Variants in IQSEC2 observed in about 807,000 individuals in gnomAD.
IQSEC2 encodes the protein IQ motif and Sec7 domain ArfGEF 2.
A neutral mutation model predicts 74.6 loss-of-function variants in IQSEC2; 6 were observed. That is an observed-to-expected ratio of 0.08 (90% CI 0.04 to 0.16). The LOEUF (loss-of-function observed/expected upper bound fraction) is 0.16. Ranked by LOEUF, IQSEC2 falls within the 10% of genes least tolerant of loss-of-function variation. The pLI is 1.00. For synonymous variants in IQSEC2, 494 were observed against 544.5 expected, an observed-to-expected ratio of 0.91 and a Z score of 1.29; for missense variants, 734 against 1,306.2, an observed-to-expected ratio of 0.56 and a Z score of 6.75.
chrX:53,246,736 T>C (rs914187657), intron 8 of IQSEC2, among the ~76,000 whole-genome samples: 2 of 112,240 alleles, frequency 1.8e-5, no homozygotes. Flanking sequence ...TCATGTTCAC[T>C]GCTTGAACCC....
chrX:53,261,499 C>G (rs1240950241), intron 2 of IQSEC2, among the ~76,000 whole-genome samples: 2 of 111,007 alleles, frequency 1.8e-5, no homozygotes, highest in African/African-American at 6.6e-5. Flanking sequence ...TGTGCACACA[C>G]ACACACACAC....
intron 2 of IQSEC2, among the ~76,000 whole-genome samples, chrX:53,264,898 G>C (rs191320848): frequency 2.0e-5 from 2 of 102,278 alleles, no homozygotes; most frequent in East Asian, 3.1e-4. Flanking sequence ...TGGAGAGCTC[G>C]CAGAGGACAC....
chrX:53,306,835 A>G (rs782132723), intron 1 of IQSEC2, among the ~76,000 whole-genome samples: 13 of 111,229 alleles, frequency 1.2e-4, no homozygotes, highest in Admixed American at 6.7e-4. Context: ...ATCCAGGAAC[A>G]CCACTTAGGG....
intron 2 of IQSEC2, among the ~76,000 whole-genome samples, chrX:53,256,682 G>A (rs2074476825): frequency 1.8e-5 from 2 of 112,637 alleles, no homozygotes; most frequent in Non-Finnish European, 3.8e-5. Context: ...GCCAGGCCAA[G>A]CCAGTTCCCA....
At chrX:53,279,012 C>T (rs376281705) in intron 2 of IQSEC2, 1 of 111,266 alleles carries the variant, frequency 9.0e-6, no homozygotes, top group Non-Finnish European at 1.9e-5. Flanking sequence ...CCCGTCTCTA[C>T]TAAAAGAAAA....
chrX:53,243,710 A>G (rs1264973800), intron 8 of IQSEC2, among the ~76,000 whole-genome samples: 6 of 112,299 alleles, frequency 5.3e-5, no homozygotes, highest in African/African-American at 1.9e-4. Context: ...ACTGTAATTA[A>G]AACAATCAGA....
At chrX:53,278,002 T>A (rs2074866171) in intron 2 of IQSEC2, among the ~76,000 whole-genome samples, 2 of 81,045 alleles carry the variant, frequency 2.5e-5, no homozygotes, top group African/African-American at 9.6e-5. Context: ...CTTTTCTTTT[T>A]CTTTTTTTTT....
intron 2 of IQSEC2, chrX:53,266,783 A>C: frequency 2.0e-6 from 2 of 1,016,792 alleles, no homozygotes. Context: ...CAGAGGAGAC[A>C]GCAGTGGGGA....
At chrX:53,227,143 C>CAATTGTTGTGTA (rs1556857816), downstream of IQSEC2, 99 of 112,395 alleles carry the variant, frequency 8.8e-4, no homozygotes, top group Non-Finnish European at 1.7e-3. Flanking sequence ...AACCTCAGCC[C>CAATTGTTGTGTA]CTCTCCACCA....
chrX:53,316,073 T>C (rs2075367355), intron 1 of IQSEC2, among the ~76,000 whole-genome samples: 1 of 112,099 alleles, frequency 8.9e-6, no homozygotes, highest in Non-Finnish European at 1.9e-5. Context: ...GAGTGTTGCC[T>C]CTATGGCATG....
intron 2 of IQSEC2, among the ~76,000 whole-genome samples, chrX:53,287,812 C>T (rs1009084147): frequency 8.0e-5 from 9 of 112,241 alleles, no homozygotes; most frequent in African/African-American, 1.3e-4. Flanking sequence ...GGCCAGGCGG[C>T]GGCAGAACAC....
At chrX:53,261,093 G>A (rs1346683563) in intron 2 of IQSEC2, among the ~76,000 whole-genome samples, 2 of 111,217 alleles carry the variant, frequency 1.8e-5, no homozygotes, top group African/African-American at 6.5e-5. Context: ...GCTTGACGGC[G>A]TTGCTTCTGA....
chrX:53,288,123 A>G (rs1462506240), intron 2 of IQSEC2, among the ~76,000 whole-genome samples: 7 of 111,557 alleles, frequency 6.3e-5, no homozygotes, highest in African/African-American at 2.3e-4. Context: ...GGGAGGCATC[A>G]TGGGAGGTGA....
Position 53,235,730 on chromosome X carries a change from T to C in IQSEC2, c.3501+53A>G, listed in dbSNP as rs2074116425. On this transcript the variant is annotated intron_variant, in intron 14 of 14. Transcript: ENST00000642864. ...GGTCCCCTCCTCCTCTGGGTCTCCA[T>C]GGCCGGGGCAGGGCTCATGCAGAGG... The C allele has an allele frequency of 2.0e-5, 23 of 1,138,467 alleles. No individual in the cohort carries two copies. In the South Asian group the frequency reaches 4.2e-4, roughly 21 times the overall value. The allele number at this position is 1,138,467 out of a possible 1,213,427, so 93.8% of individuals were successfully genotyped here. A position where few individuals can be genotyped will look rare whatever the true frequency, so the allele number is the denominator to read the frequency against.
intron 1 of IQSEC2, among the ~76,000 whole-genome samples, chrX:53,302,516 C>T (rs2075220855): frequency 8.9e-6 from 1 of 112,177 alleles, no homozygotes; most frequent in African/African-American, 3.2e-5. Context: ...AGGAGGATCA[C>T]TTGAGCCCAG....
intron 1 of IQSEC2, among the ~76,000 whole-genome samples, chrX:53,297,848 G>T (rs1468347728): frequency 5.8e-4 from 65 of 111,170 alleles, no homozygotes; most frequent in African/African-American, 2.0e-3. Context: ...CTCTCTCTCA[G>T]GCCAGGCGTG....
chrX:53,289,224 G>T (rs2075068403), intron 2 of IQSEC2, among the ~76,000 whole-genome samples: 1 of 109,898 alleles, frequency 9.1e-6, no homozygotes, highest in Non-Finnish European at 1.9e-5. Context: ...GAGACAAACA[G>T]ATTGTCCAGT....
chrX:53,259,413 G>A (rs782108465), intron 2 of IQSEC2, among the ~76,000 whole-genome samples: 11 of 109,543 alleles, frequency 1.0e-4, no homozygotes, highest in African/African-American at 3.7e-4. Flanking sequence ...GCTGAGGCAC[G>A]AGAATCGCTT....
chrX:53,252,825 C>T (rs2074412406), intron 4 of IQSEC2, among the ~76,000 whole-genome samples: 1 of 112,087 alleles, frequency 8.9e-6, no homozygotes, highest in Non-Finnish European at 1.9e-5. Flanking sequence ...TACACAGCAA[C>T]AGATAACAGA....
Sources: allele counts gnomAD v4.1 joint callset (sites outside exome capture counted in the v4.1 genomes callset), GRCh38; gene constraint gnomAD v4.1.1; transcripts MANE v1.5; gene names NCBI Gene and HGNC (gene_info 2026-07-23, HGNC 2026-07-21).